Variants in GRID1 observed in about 807,000 individuals in gnomAD.
The protein encoded by GRID1 is glutamate ionotropic receptor delta type subunit 1.
Under a neutral mutation model 98.0 loss-of-function variants are expected in GRID1, and 28 were observed. The ratio of observed to expected loss-of-function variants is 0.29; its 90% CI spans 0.21 to 0.39. The LOEUF is 0.39. Ranked by LOEUF, GRID1 falls within the 10% of genes least tolerant of loss-of-function variation. The probability of loss-of-function intolerance (pLI) is 1.00; values close to 1 mark genes in which losing one functional copy is unlikely to be tolerated. For missense variants in GRID1, 1,111 were observed against 1,340.5 expected, an observed-to-expected ratio of 0.83 and a Z score of 2.67; for synonymous variants, 553 against 538.5, an observed-to-expected ratio of 1.03 and a Z score of -0.37.
chr10:86,010,747 G>A (rs574755974), intron 4 of GRID1, among the ~76,000 whole-genome samples: 17 of 151,656 alleles, frequency 1.1e-4, no homozygotes, highest in Admixed American at 3.3e-4. Context: ...GAACCTGGGA[G>A]GAAGAGGTTG....
intron 4 of GRID1, among the ~76,000 whole-genome samples, chr10:86,029,355 G>A (rs1264179248): frequency 6.6e-6 from 1 of 152,136 alleles, no homozygotes; most frequent in African/African-American, 2.4e-5. Flanking sequence ...TCTAGGAGAG[G>A]ATCACCCAAC....
chr10:85,885,359 G>A (rs1370968918), intron 5 of GRID1, among the ~76,000 whole-genome samples: 2 of 152,202 alleles, frequency 1.3e-5, no homozygotes, highest in South Asian at 2.1e-4. Flanking sequence ...CAGGGTATAT[G>A]GCTGGCTTCA....
In GRID1 at chr10:85,834,783, G is replaced by A. The variant is rs537536420; in HGVS notation, c.1233+19713C>T. Among the ~76,000 whole-genome samples the A allele has an allele frequency of 2.6e-5, 4 of 152,102 alleles. No individual in the cohort carries two copies. The East Asian group carries it at 7.7e-4, about 29-fold the overall frequency. ...AAAACTACACAGAGATATACACTAA[G>A]AGAAACAGAAAAATTAAAAACAGAG... On this transcript the variant is annotated intron_variant, in intron 8 of 15. Coordinates refer to ENST00000327946, the MANE Select transcript of GRID1 (RefSeq NM_017551.3).
At chr10:85,900,702 T>C (rs1385686201) in intron 5 of GRID1, among the ~76,000 whole-genome samples, 1 of 152,184 alleles carries the variant, frequency 6.6e-6, no homozygotes, top group African/African-American at 2.4e-5. Context: ...TGTAATTTAG[T>C]GATCCATGGA....
intron 5 of GRID1, among the ~76,000 whole-genome samples, chr10:85,872,931 G>T (rs1843292722): frequency 6.6e-6 from 1 of 152,174 alleles, no homozygotes; most frequent in African/African-American, 2.4e-5. Flanking sequence ...TTTGCAATCA[G>T]AATCTAACAA....
At chr10:85,837,784 G>A (rs72842917) in intron 8 of GRID1, among the ~76,000 whole-genome samples, 4,795 of 152,236 alleles carry the variant, frequency 0.031, 221 homozygotes, top group East Asian at 0.21. Context: ...CATCTCTCCA[G>A]CAAGGGTTCA....
chr10:86,301,186 A>C (rs905732746), intron 2 of GRID1, among the ~76,000 whole-genome samples: 2 of 152,216 alleles, frequency 1.3e-5, no homozygotes, highest in African/African-American at 4.8e-5. Flanking sequence ...CACGAGGACC[A>C]AGCCACAGGC....
chr10:86,016,322 A>G (rs2131884191), intron 4 of GRID1, among the ~76,000 whole-genome samples: 1 of 151,632 alleles, frequency 6.6e-6, no homozygotes, highest in East Asian at 1.9e-4. Context: ...AATTTTTTGT[A>G]TTTTTAGTAG....
intron 2 of GRID1, among the ~76,000 whole-genome samples, chr10:86,338,663 T>C (rs1451837928): frequency 1.3e-5 from 2 of 152,098 alleles, no homozygotes; most frequent in Non-Finnish European, 2.9e-5. Flanking sequence ...GTTCAAACAG[T>C]TCTCCTGCCT....
chr10:85,981,903 T>A (rs562780266), intron 4 of GRID1, among the ~76,000 whole-genome samples: 1 of 152,186 alleles, frequency 6.6e-6, no homozygotes, highest in East Asian at 1.9e-4. Context: ...AGGAGGAGTG[T>A]GCTACTTCAG....
At chr10:86,243,075 A>G (rs1846664258) in intron 2 of GRID1, among the ~76,000 whole-genome samples, 1 of 150,004 alleles carries the variant, frequency 6.7e-6, no homozygotes, top group Admixed American at 6.7e-5. Context: ...GAAGATGTCA[A>G]CTCCAGCAGA....
chr10:86,117,232 C>A (rs546907717), intron 4 of GRID1, among the ~76,000 whole-genome samples: 76 of 151,670 alleles, frequency 5.0e-4, no homozygotes, highest in Non-Finnish European at 8.1e-4. Context: ...ACTACCATCA[C>A]TATCACCATC....
chr10:86,231,736 A>G (rs546426086), intron 2 of GRID1, among the ~76,000 whole-genome samples: 2 of 152,328 alleles, frequency 1.3e-5, no homozygotes, highest in African/African-American at 4.8e-5. Context: ...AGGAGTCATT[A>G]GACAGCTGAC....
At chr10:85,776,568 C>G (rs1331669622) in intron 8 of GRID1, among the ~76,000 whole-genome samples, 1 of 152,124 alleles carries the variant, frequency 6.6e-6, no homozygotes, top group Non-Finnish European at 1.5e-5. Flanking sequence ...TAGCCAGCAG[C>G]CGAGGGGAGG....
intron 8 of GRID1, among the ~76,000 whole-genome samples, chr10:85,842,403 A>T (rs144062517): frequency 2.6e-3 from 399 of 152,224 alleles, no homozygotes; most frequent in Non-Finnish European, 4.2e-3. Flanking sequence ...TAATCTGTAC[A>T]ACAAACCCCC....
chr10:86,348,571 C>T (rs1482957330), intron 2 of GRID1, among the ~76,000 whole-genome samples: 1 of 152,180 alleles, frequency 6.6e-6, no homozygotes, highest in Non-Finnish European at 1.5e-5. Flanking sequence ...GGGAAGATGC[C>T]CTGGGGAGCT....
At chr10:86,288,249 G>C (rs1847463389) in intron 2 of GRID1, among the ~76,000 whole-genome samples, 1 of 152,194 alleles carries the variant, frequency 6.6e-6, no homozygotes, top group African/African-American at 2.4e-5. Flanking sequence ...CATGTCTCCT[G>C]AACAGTAACT....
At chr10:86,265,206 C>T (rs1366421413) in intron 2 of GRID1, among the ~76,000 whole-genome samples, 1 of 151,542 alleles carries the variant, frequency 6.6e-6, no homozygotes, top group African/African-American at 2.4e-5. Context: ...TCCATTATAA[C>T]AAATTATCCT....
intron 8 of GRID1, among the ~76,000 whole-genome samples, chr10:85,743,188 C>T (rs1841964269): frequency 6.8e-6 from 1 of 147,132 alleles, no homozygotes; most frequent in South Asian, 2.1e-4. Context: ...CTGAGACCAC[C>T]ATGCTGGAGA....
Sources: allele counts gnomAD v4.1 joint callset (sites outside exome capture counted in the v4.1 genomes callset), GRCh38; gene constraint gnomAD v4.1.1; transcripts MANE v1.5; gene names NCBI Gene and HGNC (gene_info 2026-07-23, HGNC 2026-07-21).